WNT8A: variants seen among roughly 807,000 people sequenced by gnomAD.
The protein encoded by WNT8A is Wnt family member 8A.
WNT8A carries 14 observed loss-of-function variants against 20.5 expected under a neutral mutation model. The observed-to-expected ratio is 0.68, with a 90% CI of 0.45 to 1.07. The LOEUF (loss-of-function observed/expected upper bound fraction) is 1.07. WNT8A is among the 50% of genes least tolerant of loss of function. WNT8A has a pLI of 0.00. For synonymous variants in WNT8A, 167 were observed against 169.2 expected, an observed-to-expected ratio of 0.99 and a Z score of 0.10; for missense variants, 397 against 462.9, an observed-to-expected ratio of 0.86 and a Z score of 1.31.
rs1750813803 is a variant in WNT8A at position 138,090,630 on chromosome 5, G to A, written c.667G>A (p.Gly223Arg). 1.2e-6 allele frequency: 2 copies of A among 1,614,192 alleles called. No homozygotes were observed. The highest frequency in any genetic ancestry group is 2.2e-5 in the South Asian group (2 of 91,072). Residue 223 changes from glycine (G) to arginine (R), a missense_variant, in exon 5 of 5, where the codon GGA becomes AGA. Gly to Arg is a moderately radical substitution (Grantham distance 125). Transcript: ENST00000506684. ...WLQLAEFREMGDYLKAKYDQA... is the reference protein window; with the variant it reads ...WLQLAEFREMRDYLKAKYDQA... ...GCAGCTGGCTGAATTCCGGGAGATGGGAGACTACCTAAAGGCCAAGTATGA... is the reference window on the plus strand; with the variant it reads ...GCAGCTGGCTGAATTCCGGGAGATGAGAGACTACCTAAAGGCCAAGTATGA...
chr5:138,089,914 A>G (rs1335225073), intron 4 of WNT8A, among the ~76,000 whole-genome samples: 2 of 152,170 alleles, frequency 1.3e-5, no homozygotes, highest in Non-Finnish European at 2.9e-5. Flanking sequence ...CTCTTGCCTC[A>G]GCCTCCCAAC....
chr5:138,083,068 G>A (rs1750550134), upstream of WNT8A, among the ~76,000 whole-genome samples: 1 of 152,012 alleles, frequency 6.6e-6, no homozygotes, highest in Non-Finnish European at 1.5e-5. Context: ...GATCACTTGA[G>A]CCCAGGAGTT....
At chr5:138,087,955 G>GT in intron 3 of WNT8A, 24 bp downstream of exon 3, 2 of 1,612,072 alleles carry the variant, frequency 1.2e-6, no homozygotes, top group Non-Finnish European at 1.7e-6. Context: ...TCTAATGGGG[G>GT]TGGGAAGAGG....
chr5:138,089,149 T>A, intron 4 of WNT8A, 80 bp downstream of exon 4: 1 of 1,537,892 alleles, frequency 6.5e-7, no homozygotes. Flanking sequence ...AGCTGTCTTA[T>A]ACGTTCTTTC....
chr5:138,084,477 C>A, intron 1 of WNT8A, 21 bp from the exon 2 acceptor site: 1 of 1,584,790 alleles, frequency 6.3e-7, no homozygotes, highest in Non-Finnish European at 8.6e-7. Flanking sequence ...CAGAAGCTCA[C>A]AGCCCTTTTC....
chr5:138,085,952 T>C (rs1463090401), intron 2 of WNT8A, among the ~76,000 whole-genome samples: 1 of 149,866 alleles, frequency 6.7e-6, no homozygotes, highest in Non-Finnish European at 1.5e-5. Context: ...AATGTGACAA[T>C]GTTTGTAAAG....
the WNT8A span, among the ~76,000 whole-genome samples, chr5:138,078,643 C>T: frequency 6.6e-6 from 1 of 152,168 alleles, no homozygotes; most frequent in South Asian, 2.1e-4. Flanking sequence ...TATAGGAGAC[C>T]TCTCAGTCCT....
chr5:138,082,224 A>G (rs1373664611), upstream of WNT8A, among the ~76,000 whole-genome samples: 2 of 152,242 alleles, frequency 1.3e-5, no homozygotes, highest in Admixed American at 6.5e-5. Flanking sequence ...TAGGGGTCAC[A>G]GGGTCTTTCG....
intron 3 of WNT8A, among the ~76,000 whole-genome samples, chr5:138,088,539 G>C (rs1214939691): frequency 6.6e-6 from 1 of 152,054 alleles, no homozygotes; most frequent in Non-Finnish European, 1.5e-5. Context: ...TGTATTTTTA[G>C]TAGAGATGGG....
At chr5:138,086,274 G>A (rs1314899392) in intron 2 of WNT8A, among the ~76,000 whole-genome samples, 3 of 152,098 alleles carry the variant, frequency 2.0e-5, no homozygotes, top group African/African-American at 4.8e-5. Flanking sequence ...CTAGTTTGCA[G>A]TGGCGCGATC....
Position 138,084,293 on chromosome 5 carries a change from T to A in WNT8A, c.156+10T>A. ...GATAACAGGTCCCAAGGTAGGATGA[T>A]CTCCAGCTTCTGTTTTTACCCACTG... On this transcript the variant is annotated intron_variant, in intron 1 of 4. Transcript: ENST00000506684. 1 of 1,613,808 alleles carries A rather than the reference T, an allele frequency of 6.2e-7. No individual in the cohort carries two copies. Among genetic ancestry groups the A allele is most frequent in the Non-Finnish European group, 8.5e-7 (1 of 1,179,836 alleles).
chr5:138,087,116 G>C (rs1028065747), intron 2 of WNT8A, among the ~76,000 whole-genome samples: 1 of 151,710 alleles, frequency 6.6e-6, no homozygotes, highest in African/African-American at 2.4e-5. Context: ...CCAGCACTTT[G>C]GGAGGCCAGG....
At chr5:138,078,392 C>A in the WNT8A span, among the ~76,000 whole-genome samples, 1 of 152,182 alleles carries the variant, frequency 6.6e-6, no homozygotes, top group Admixed American at 6.5e-5. Context: ...ACCTCCACCC[C>A]CTCTCTACTC....
At chr5:138,080,444 GTTTTTTTT>G (rs371833243), upstream of WNT8A, among the ~76,000 whole-genome samples, 150 of 56,008 alleles carry the variant, frequency 2.7e-3, 2 homozygotes, top group Middle Eastern at 0.012. Flanking sequence ...TGTAAATCTT[GTTTTTTTT>G]TTTTTTTTTT....
At position 138,084,545 on chromosome 5, in the gene WNT8A, C is replaced by T; in HGVS notation, c.204C>T (p.Gly68=). 1 of 1,613,742 alleles carries T rather than the reference C, an allele frequency of 6.2e-7. No individual in the cohort carries two copies. The highest frequency in any genetic ancestry group is 1.1e-5 in the South Asian group (1 of 90,988). The part of the protein sequence containing the change: ...TTSVALGAQS[G]IEECKFQFAW... ...GTGTGGCCTTGGGTGCCCAGAGTGGCATCGAGGAGTGCAAGTTCCAGTTTG... is the reference window on the plus strand; with the variant it reads ...GTGTGGCCTTGGGTGCCCAGAGTGGTATCGAGGAGTGCAAGTTCCAGTTTG... Residue 68 remains glycine (G), a synonymous_variant, in exon 2 of 5, where the codon GGC becomes GGT. Coordinates refer to ENST00000506684, the MANE Select transcript of WNT8A (RefSeq NM_001300939.2).
intron 2 of WNT8A, among the ~76,000 whole-genome samples, chr5:138,085,746 T>C (rs375512533): frequency 1.0e-4 from 15 of 149,478 alleles, no homozygotes; most frequent in African/African-American, 3.7e-4. Context: ...CCCAGAGACC[T>C]GGAAGGCTGA....
chr5:138,084,437 C>T lies in WNT8A; in HGVS notation c.157-61C>T, dbSNP rs1750592903. 4.4e-5 allele frequency: 68 copies of T among 1,554,156 alleles called. No homozygotes were observed. In the South Asian group the frequency reaches 8.0e-4, roughly 18 times the overall value. On this transcript the variant is annotated intron_variant, in intron 1 of 4. Coordinates refer to ENST00000506684, the MANE Select transcript of WNT8A (RefSeq NM_001300939.2). ...AGCTGGCCCATCTGAGTCCTGCCTGCTCCCCCAACCACAGATGACCCATAC... is the reference window on the plus strand; with the variant it reads ...AGCTGGCCCATCTGAGTCCTGCCTGTTCCCCCAACCACAGATGACCCATAC...
chr5:138,091,039 G>A lies in WNT8A; in HGVS notation c.1076G>A (p.Gly359Asp). 1 of 1,613,340 alleles carries A rather than the reference G, an allele frequency of 6.2e-7. No homozygotes were observed. The highest frequency in any genetic ancestry group is 8.5e-7 in the Non-Finnish European group (1 of 1,179,532). Residue 359 changes from glycine to aspartate, a missense_variant, in exon 5 of 5, where the codon GGC becomes GAC. Coordinates refer to ENST00000506684, the MANE Select transcript of WNT8A (RefSeq NM_001300939.2). ...AAGTATTACTGCGCACGCTCCCCAG[G>A]CAGTGCCCAGTCCCTGGGTAAGGGC... ...VSKYYCARSP[G>D]SAQSLGKGSA
rs181847672 is a variant in WNT8A at position 138,087,323 on chromosome 5, G to T, written c.296-483G>T. On this transcript the variant is annotated intron_variant, in intron 2 of 4. Coordinates refer to ENST00000506684, the MANE Select transcript of WNT8A (RefSeq NM_001300939.2). ...AGATCATGCCACTGCACCCCAGCCT[G>T]GGCAACAGAGTGAGACTCTGTCTCA... Among the ~76,000 whole-genome samples the T allele has an allele frequency of 6.4e-3, 962 of 149,758 alleles. 10 individuals carry two copies. Among genetic ancestry groups the T allele is most frequent in the Middle Eastern group, 0.018 (5 of 284 alleles).
Sources: allele counts gnomAD v4.1 joint callset (sites outside exome capture counted in the v4.1 genomes callset), GRCh38; gene constraint gnomAD v4.1.1; transcripts MANE v1.5; gene names NCBI Gene and HGNC (gene_info 2026-07-23, HGNC 2026-07-21).